Variants in BTBD9 observed in about 807,000 individuals in gnomAD.
The protein encoded by BTBD9 is BTB domain containing 9, also known as BTB/POZ domain-containing protein 9.
BTBD9 carries 49 observed loss-of-function variants against 64.3 expected under a neutral mutation model. The observed-to-expected ratio is 0.76, with a 90% CI of 0.61 to 0.97. BTBD9 has a LOEUF of 0.97. Ranked by LOEUF, BTBD9 falls within the 50% of genes least tolerant of loss-of-function variation. The pLI, the probability that BTBD9 is intolerant of heterozygous loss-of-function variation, is 0.00. For missense variants in BTBD9, 598 were observed against 762.1 expected (o/e 0.78, Z 2.53); for synonymous variants, 260 against 274.7 (o/e 0.95, Z 0.53).
At chr6:38,576,651 T>C (rs985679713) in intron 6 of BTBD9, among the ~76,000 whole-genome samples, 2 of 152,150 alleles carry the variant, frequency 1.3e-5, no homozygotes, top group Non-Finnish European at 2.9e-5. Flanking sequence ...AGATGGGTCA[T>C]GGGTGAGGGG....
At chr6:38,636,641 C>T (rs772900121) in intron 1 of BTBD9, among the ~76,000 whole-genome samples, 2 of 152,204 alleles carry the variant, frequency 1.3e-5, no homozygotes, top group Non-Finnish European at 2.9e-5. Flanking sequence ...TTCTCACCTA[C>T]ACTCTAGTCT....
chr6:38,470,516 T>C (rs1435221477), intron 6 of BTBD9, among the ~76,000 whole-genome samples: 1 of 152,238 alleles, frequency 6.6e-6, no homozygotes, highest in Non-Finnish European at 1.5e-5. Context: ...TTGGTTTTAT[T>C]GTGAACTCAG....
chr6:38,267,245 A>C (rs1263890575), intron 8 of BTBD9, among the ~76,000 whole-genome samples: 2 of 152,224 alleles, frequency 1.3e-5, no homozygotes, highest in East Asian at 3.8e-4. Flanking sequence ...TAATAGCTGA[A>C]GGCAATATGC....
At chr6:38,261,174 C>T (rs1439443420) in intron 8 of BTBD9, among the ~76,000 whole-genome samples, 2 of 152,086 alleles carry the variant, frequency 1.3e-5, no homozygotes, top group Non-Finnish European at 2.9e-5. Flanking sequence ...AATCCCTCCA[C>T]CTCAGCTTCT....
At chr6:38,575,014 T>G (rs1021475523) in intron 6 of BTBD9, among the ~76,000 whole-genome samples, 1 of 152,220 alleles carries the variant, frequency 6.6e-6, no homozygotes, top group African/African-American at 2.4e-5. Flanking sequence ...TTTTTGTAAA[T>G]GTATTAGATG....
chr6:38,287,429 G>A (rs1417010518), intron 8 of BTBD9, among the ~76,000 whole-genome samples: 2 of 151,946 alleles, frequency 1.3e-5, no homozygotes, highest in Non-Finnish European at 2.9e-5. Flanking sequence ...ACAGGCATGA[G>A]GCACCGTGCC....
rs551198414 is a variant in BTBD9 at position 38,294,778 on chromosome 6, G to C, written c.1265-6317C>G. 7.3e-5 allele frequency among the ~76,000 whole-genome samples: 11 copies of C among 151,246 alleles called. No homozygotes were observed. The South Asian group carries it at 2.3e-3, about 32-fold the overall frequency. On this transcript the variant is annotated intron_variant, in intron 7 of 10. Transcript: ENST00000481247. ...TAACAAACCTGCACATTCTGCACAT[G>C]TATCCCAGAACTTAAAGTATAATAA...
At chr6:38,330,704 G>C (rs1333054062) in intron 7 of BTBD9, among the ~76,000 whole-genome samples, 2 of 152,240 alleles carry the variant, frequency 1.3e-5, no homozygotes, top group East Asian at 3.9e-4. Context: ...AGATGACGAA[G>C]ATGCTGTGAT....
chr6:38,615,904 G>A (rs1032975440), intron 1 of BTBD9, among the ~76,000 whole-genome samples: 1 of 152,182 alleles, frequency 6.6e-6, no homozygotes, highest in Non-Finnish European at 1.5e-5. Context: ...GTTGGCTGTG[G>A]TAGGCAGAAA....
rs184209053 is a variant in BTBD9 at position 38,494,192 on chromosome 6, T to C, written c.1154+83408A>G. ...AAAGGACAAAGTTCAGTAGCAAATC[T>C]TTTCATGTTGAATGGTGTTAAGCTG... On this transcript the variant is annotated intron_variant, in intron 6 of 10. Transcript: ENST00000481247. Among the ~76,000 whole-genome samples the C allele has an allele frequency of 5.2e-5, 8 of 152,382 alleles. 1 individual carries two copies. In the East Asian group the frequency reaches 1.5e-3, roughly 29 times the overall value.
chr6:38,541,288 C>T (rs1774255946), intron 6 of BTBD9, among the ~76,000 whole-genome samples: 1 of 152,022 alleles, frequency 6.6e-6, no homozygotes, highest in African/African-American at 2.4e-5. Flanking sequence ...TTTTGTTTTA[C>T]TATTACATTA....
At chr6:38,478,567 T>A (rs556103039) in intron 6 of BTBD9, among the ~76,000 whole-genome samples, 1 of 151,952 alleles carries the variant, frequency 6.6e-6, no homozygotes, top group Non-Finnish European at 1.5e-5. Flanking sequence ...CTTCCCATAC[T>A]CTCCTTAGAG....
chr6:38,505,543 G>A (rs1404855192), intron 6 of BTBD9, among the ~76,000 whole-genome samples: 1 of 151,820 alleles, frequency 6.6e-6, no homozygotes, highest in Non-Finnish European at 1.5e-5. Context: ...AGAATTGCTT[G>A]AACCTGGGAG....
chr6:38,252,143 C>T (rs965837525), intron 9 of BTBD9, among the ~76,000 whole-genome samples: 1 of 152,094 alleles, frequency 6.6e-6, no homozygotes, highest in African/African-American at 2.4e-5. Context: ...AACAGAGACA[C>T]TGGAGAATCT....
At chr6:38,567,227 A>G (rs1256539345) in intron 6 of BTBD9, among the ~76,000 whole-genome samples, 2 of 152,226 alleles carry the variant, frequency 1.3e-5, no homozygotes, top group South Asian at 4.1e-4. Flanking sequence ...TTTAGTCTGC[A>G]TCACATTTCT....
chr6:38,425,927 T>TACAC (rs61016424), intron 6 of BTBD9, among the ~76,000 whole-genome samples: 8,622 of 137,006 alleles, frequency 0.063, 274 homozygotes, highest in Middle Eastern at 0.12. Flanking sequence ...AAGAAACACA[T>TACAC]ACACACACAC....
intron 9 of BTBD9, among the ~76,000 whole-genome samples, chr6:38,232,010 C>T (rs1763624868): frequency 6.6e-6 from 1 of 152,216 alleles, no homozygotes; most frequent in Non-Finnish European, 1.5e-5. Context: ...CTCTCTTCCT[C>T]CTTCTCAAAG....
chr6:38,270,785 T>G (rs1765173915), intron 8 of BTBD9, among the ~76,000 whole-genome samples: 1 of 152,196 alleles, frequency 6.6e-6, no homozygotes, highest in South Asian at 2.1e-4. Flanking sequence ...GCAATGACTC[T>G]CCTTGGGCCT....
At chr6:38,530,543 T>C (rs1045517848) in intron 6 of BTBD9, among the ~76,000 whole-genome samples, 1 of 97,866 alleles carries the variant, frequency 1.0e-5, no homozygotes, top group African/African-American at 3.0e-5. Flanking sequence ...TGTCTCTGTT[T>C]ATTTCTCAGC....
Sources: gnomAD v4.1 joint callset for allele counts (sites outside exome capture counted in the v4.1 genomes callset) on GRCh38, gnomAD v4.1.1 for gene constraint, MANE v1.5 for transcripts, NCBI Gene and HGNC (gene_info 2026-07-23, HGNC 2026-07-21) for gene names.